UGT2A1: variants seen among roughly 807,000 people sequenced by gnomAD.
UGT2A1 encodes the protein UDP glucuronosyltransferase family 2 member A1 complex locus, also known as UDP-glucuronosyltransferase 2A1.
Under a neutral mutation model 45.4 loss-of-function variants are expected in UGT2A1, and 61 were observed. That is an observed-to-expected ratio of 1.34 (90% CI 1.09 to 1.66). The LOEUF (loss-of-function observed/expected upper bound fraction) is 1.66, where lower values mean the gene tolerates loss of function less well. Ranked by LOEUF, UGT2A1 falls within the 40% of genes most tolerant of loss-of-function variation. The pLI, the probability that UGT2A1 is intolerant of heterozygous loss-of-function variation, is 0.00. For missense variants in UGT2A1, 649 were observed against 574.3 expected (o/e 1.13, Z -1.33); for synonymous variants, 229 against 196.2 (o/e 1.17, Z -1.40).
At chr4:69,649,187 T>G (rs1722412099) in intron 1 of UGT2A1, among the ~76,000 whole-genome samples, 1 of 152,112 alleles carries the variant, frequency 6.6e-6, no homozygotes, top group African/African-American at 2.4e-5. Context: ...AGCTCTCCCA[T>G]CACCAAAGAT....
chr4:69,594,925 T>C (rs950271408), intron 5 of UGT2A1, among the ~76,000 whole-genome samples: 1 of 152,162 alleles, frequency 6.6e-6, no homozygotes, highest in Non-Finnish European at 1.5e-5. Flanking sequence ...AGATGATATC[T>C]GAACTGAAAA....
chr4:69,627,756 T>G (rs1721172586), intron 3 of UGT2A1, among the ~76,000 whole-genome samples: 1 of 151,884 alleles, frequency 6.6e-6, no homozygotes, highest in South Asian at 2.1e-4. Flanking sequence ...AAACTGGAAT[T>G]AATGATGAAC....
intron 3 of UGT2A1, among the ~76,000 whole-genome samples, chr4:69,607,988 C>A (rs1305459987): frequency 1.3e-5 from 2 of 152,152 alleles, no homozygotes; most frequent in Non-Finnish European, 2.9e-5. Context: ...TAAACTAGTT[C>A]AATCATTGTG....
chr4:69,609,623 C>A (rs1719910565), intron 3 of UGT2A1, among the ~76,000 whole-genome samples: 1 of 152,110 alleles, frequency 6.6e-6, no homozygotes, highest in Admixed American at 6.6e-5. Context: ...AAAGTATAAA[C>A]TAGTATAATG....
intron 2 of UGT2A1, among the ~76,000 whole-genome samples, chr4:69,644,904 T>C (rs1294747618): frequency 6.6e-6 from 1 of 151,860 alleles, no homozygotes; most frequent in Non-Finnish European, 1.5e-5. Flanking sequence ...ATATCAACTT[T>C]ACAGTTGTTT....
At chr4:69,639,358 A>T (rs759572252) in intron 2 of UGT2A1, 1 of 1,613,748 alleles carries the variant, frequency 6.2e-7, no homozygotes. Context: ...TGCTCAATTA[A>T]GGAATCTATA....
intron 3 of UGT2A1, 83 bp from the exon 4 acceptor site, chr4:69,599,477 G>A (rs1719131720): frequency 6.4e-6 from 10 of 1,568,304 alleles, no homozygotes; most frequent in Admixed American, 4.2e-5. Flanking sequence ...GTAATTTCCT[G>A]ATAAGCTGTT....
At chr4:69,652,616 T>G (rs1221895077) in intron 1 of UGT2A1, among the ~76,000 whole-genome samples, 1 of 152,112 alleles carries the variant, frequency 6.6e-6, no homozygotes, top group Non-Finnish European at 1.5e-5. Context: ...GCATAAAACT[T>G]ATTTGATTTA....
chr4:69,643,116 T>G (rs1722114315), intron 2 of UGT2A1, among the ~76,000 whole-genome samples: 1 of 151,440 alleles, frequency 6.6e-6, no homozygotes, highest in Middle Eastern at 3.2e-3. Context: ...CCCTAGACAA[T>G]CCTCCCCAGA....
At chr4:69,609,986 T>C (rs1033716177) in intron 3 of UGT2A1, among the ~76,000 whole-genome samples, 2 of 152,144 alleles carry the variant, frequency 1.3e-5, no homozygotes, top group Admixed American at 1.3e-4. Context: ...AATAATAGAA[T>C]GTTGAGGAAA....
chr4:69,636,017 T>C (rs992801801), intron 2 of UGT2A1, among the ~76,000 whole-genome samples, 195 bp from the exon 3 acceptor site: 1 of 152,080 alleles, frequency 6.6e-6, no homozygotes, highest in African/African-American at 2.4e-5. Context: ...TTTTAAAATG[T>C]TAATTGTTTT....
rs749737824 is a variant in UGT2A1 at position 69,599,323 on chromosome 4, CA to C, written c.918del (p.Phe306LeufsTer40). On this transcript the variant is annotated frameshift_variant, in exon 4 of 7. Transcript: ENST00000286604. LOFTEE classifies it high-confidence loss of function. ...EIWLIRTYWD[F>X]EFPRPYLPNF... is the part of the protein sequence containing the mutation. ...TTAGGTAAGTATGGACGAGGAAATT[CA>C]AAATCCCAATATGTTCGGATTAACC... 1 of 1,613,812 alleles carries C rather than the reference CA, an allele frequency of 6.2e-7. No individual in the cohort carries two copies. The highest frequency in any genetic ancestry group is 1.3e-5 in the African/African-American group (1 of 75,012).
At chr4:69,642,927 A>C (rs1722107764) in intron 2 of UGT2A1, among the ~76,000 whole-genome samples, 1 of 151,512 alleles carries the variant, frequency 6.6e-6, no homozygotes, top group African/African-American at 2.4e-5. Context: ...CTCCCCTTAA[A>C]TGTGCCCAGT....
At chr4:69,624,659 G>T (rs1243444183) in intron 3 of UGT2A1, among the ~76,000 whole-genome samples, 2 of 150,656 alleles carry the variant, frequency 1.3e-5, no homozygotes, top group Non-Finnish European at 3.0e-5. Context: ...TGTAAAATTT[G>T]CAATTAGTAT....
chr4:69,651,123 C>T (rs532607879), intron 1 of UGT2A1, among the ~76,000 whole-genome samples: 1 of 152,274 alleles, frequency 6.6e-6, no homozygotes, highest in East Asian at 1.9e-4. Flanking sequence ...AAATTTCTCA[C>T]ACTAGTGAGG....
At chr4:69,599,165 G>A in intron 4 of UGT2A1, 81 bp downstream of exon 4, 4 of 1,471,036 alleles carry the variant, frequency 2.7e-6, no homozygotes, top group Non-Finnish European at 3.6e-6. Context: ...GCATTTATTT[G>A]TTATTGAGGC....
At chr4:69,603,473 A>G (rs1719416257) in intron 3 of UGT2A1, 1 of 137,180 alleles carries the variant, frequency 7.3e-6, no homozygotes, top group Admixed American at 7.2e-5. Context: ...GGGAAAAAAC[A>G]GAGCAGAAAA....
At chr4:69,615,773 G>A (rs375214390) in intron 3 of UGT2A1, among the ~76,000 whole-genome samples, 13 of 152,080 alleles carry the variant, frequency 8.5e-5, no homozygotes, top group African/African-American at 3.1e-4. Flanking sequence ...TGCTGGTGAG[G>A]ATATGGAAAA....
intron 2 of UGT2A1, among the ~76,000 whole-genome samples, chr4:69,639,812 T>C (rs1473696887): frequency 6.6e-6 from 1 of 152,026 alleles, no homozygotes; most frequent in Non-Finnish European, 1.5e-5. Flanking sequence ...CATCATTATT[T>C]CAGTAACAGA....
Sources: gnomAD v4.1 joint callset for allele counts (sites outside exome capture counted in the v4.1 genomes callset) on GRCh38, gnomAD v4.1.1 for gene constraint, MANE v1.5 for transcripts, NCBI Gene and HGNC (gene_info 2026-07-23, HGNC 2026-07-21) for gene names.